Variants in ANKS1B observed in about 807,000 individuals in gnomAD.
The protein encoded by ANKS1B is ankyrin repeat and sterile alpha motif domain-containing protein 1B.
Under a neutral mutation model 148.3 loss-of-function variants are expected in ANKS1B, and 36 were observed. That is an observed-to-expected ratio of 0.24 (90% CI 0.19 to 0.32). The LOEUF is 0.32. ANKS1B is among the 10% of genes least tolerant of loss of function. The pLI, the probability that ANKS1B is intolerant of heterozygous loss-of-function variation, is 1.00. For missense variants in ANKS1B, 1,157 were observed against 1,542.6 expected (o/e 0.75, Z 4.19); for synonymous variants, 542 against 560.8 (o/e 0.97, Z 0.47).
At chr12:99,867,022 C>T (rs2090847627) in intron 1 of ANKS1B, among the ~76,000 whole-genome samples, 1 of 152,156 alleles carries the variant, frequency 6.6e-6, no homozygotes, top group Non-Finnish European at 1.5e-5. Flanking sequence ...GACATCCCAA[C>T]TTAAATCAGG....
intron 10 of ANKS1B, among the ~76,000 whole-genome samples, chr12:99,445,829 C>A (rs2095628311): frequency 6.6e-6 from 1 of 151,942 alleles, no homozygotes; most frequent in Non-Finnish European, 1.5e-5. Flanking sequence ...TCAAGTGATC[C>A]TCCCACCTTA....
chr12:99,659,702 C>T (rs1341324312), intron 8 of ANKS1B, among the ~76,000 whole-genome samples: 1 of 151,990 alleles, frequency 6.6e-6, no homozygotes, highest in Non-Finnish European at 1.5e-5. Flanking sequence ...CTATATATAA[C>T]GGTGCTTCAT....
intron 9 of ANKS1B, among the ~76,000 whole-genome samples, chr12:99,617,814 A>AC (rs1463324760): frequency 6.6e-6 from 1 of 152,100 alleles, no homozygotes; most frequent in Non-Finnish European, 1.5e-5. Context: ...ATTTAAAAAA[A>AC]AAAACAAAAC....
downstream of ANKS1B, among the ~76,000 whole-genome samples, chr12:98,739,922 C>A (rs1316329614): frequency 6.6e-6 from 1 of 152,216 alleles, no homozygotes; most frequent in East Asian, 1.9e-4. Flanking sequence ...GCACCCTCCT[C>A]TACCACCTCC....
chr12:99,444,022 A>G (rs1314287448), intron 10 of ANKS1B, among the ~76,000 whole-genome samples: 2 of 151,924 alleles, frequency 1.3e-5, no homozygotes, highest in East Asian at 1.9e-4. Context: ...CACCCCCTGG[A>G]ATGTTGTTCT....
chr12:98,971,228 T>C (rs2099882822), intron 17 of ANKS1B, among the ~76,000 whole-genome samples: 1 of 152,238 alleles, frequency 6.6e-6, no homozygotes, highest in South Asian at 2.1e-4. Context: ...ACCCAAATTT[T>C]TCTGGCTCTA....
At chr12:99,895,011 G>T (rs2093331264) in intron 1 of ANKS1B, among the ~76,000 whole-genome samples, 1 of 150,640 alleles carries the variant, frequency 6.6e-6, no homozygotes, top group African/African-American at 2.4e-5. Context: ...ACAAATCAAG[G>T]ACCATTTGTA....
intron 8 of ANKS1B, among the ~76,000 whole-genome samples, chr12:99,732,090 A>G (rs1600882854): frequency 6.6e-6 from 1 of 152,204 alleles, no homozygotes; most frequent in East Asian, 1.9e-4. Context: ...AGGAAATGCA[A>G]ATTAAAAACA....
chr12:98,793,737 C>T (rs753887406), intron 22 of ANKS1B, among the ~76,000 whole-genome samples: 8 of 152,118 alleles, frequency 5.3e-5, no homozygotes, highest in South Asian at 4.2e-4. Flanking sequence ...GATTAGAGAA[C>T]GTAAGACTGC....
At chr12:99,121,461 G>T (rs1178190603) in intron 15 of ANKS1B, among the ~76,000 whole-genome samples, 1 of 151,904 alleles carries the variant, frequency 6.6e-6, no homozygotes, top group Non-Finnish European at 1.5e-5. Flanking sequence ...GGTACTTGAG[G>T]TTTGATGTTC....
chr12:99,883,620 G>GC (rs1470434311), intron 1 of ANKS1B, among the ~76,000 whole-genome samples: 3 of 150,224 alleles, frequency 2.0e-5, no homozygotes, highest in Admixed American at 6.6e-5. Flanking sequence ...TTGGGGCAGG[G>GC]GGGAATCTGC....
At chr12:98,995,744 G>A in intron 17 of ANKS1B, among the ~76,000 whole-genome samples, 1 of 152,334 alleles carries the variant, frequency 6.6e-6, no homozygotes, top group Non-Finnish European at 1.5e-5. Context: ...GAACCATATA[G>A]TTGCCCCACT....
At chr12:99,710,326 A>G (rs979313051) in intron 8 of ANKS1B, among the ~76,000 whole-genome samples, 1 of 152,168 alleles carries the variant, frequency 6.6e-6, no homozygotes, top group Admixed American at 6.6e-5. Context: ...CAAGATATAC[A>G]TAATTCTTTG....
chr12:99,165,365 G>A (rs2153832988), intron 14 of ANKS1B, among the ~76,000 whole-genome samples: 1 of 151,858 alleles, frequency 6.6e-6, no homozygotes, highest in South Asian at 2.1e-4. Context: ...TAGTCCAACT[G>A]GTAAATCTCT....
chr12:99,975,652 T>G (rs902417177), intron 1 of ANKS1B, among the ~76,000 whole-genome samples: 1 of 152,190 alleles, frequency 6.6e-6, no homozygotes, highest in African/African-American at 2.4e-5. Flanking sequence ...ACTTTACTCA[T>G]TTTTTAATAG....
intron 9 of ANKS1B, among the ~76,000 whole-genome samples, chr12:99,562,359 C>G (rs532677263): frequency 2.0e-5 from 3 of 152,302 alleles, no homozygotes; most frequent in South Asian, 2.1e-4. Flanking sequence ...AAAGAGTCAG[C>G]CTGTCCTTTG....
At chr12:99,881,508 A>G (rs2092486101) in intron 1 of ANKS1B, among the ~76,000 whole-genome samples, 1 of 152,222 alleles carries the variant, frequency 6.6e-6, no homozygotes, top group Non-Finnish European at 1.5e-5. Context: ...CAGGATAACT[A>G]AAACTCCAGT....
chr12:99,050,184 T>G (rs1292732060), intron 17 of ANKS1B, among the ~76,000 whole-genome samples: 1 of 152,222 alleles, frequency 6.6e-6, no homozygotes, highest in Non-Finnish European at 1.5e-5. Context: ...CTCTCATTAG[T>G]TGGGATAAAC....
At chr12:99,930,987 C>T (rs377174645) in intron 1 of ANKS1B, among the ~76,000 whole-genome samples, 1 of 152,122 alleles carries the variant, frequency 6.6e-6, no homozygotes, top group Non-Finnish European at 1.5e-5. Context: ...ATGTGGCACA[C>T]ATACACCATG....
Sources: gnomAD v4.1 joint callset for allele counts (sites outside exome capture counted in the v4.1 genomes callset) on GRCh38, gnomAD v4.1.1 for gene constraint, MANE v1.5 for transcripts, NCBI Gene and HGNC (gene_info 2026-07-23, HGNC 2026-07-21) for gene names.